OLA1: variants seen among roughly 807,000 people sequenced by gnomAD.
The protein encoded by OLA1 is obg-like ATPase 1.
Under a neutral mutation model 48.4 loss-of-function variants are expected in OLA1, and 14 were observed. The observed-to-expected ratio is 0.29, with a 90% confidence interval of 0.19 to 0.45. The LOEUF (loss-of-function observed/expected upper bound fraction) is 0.45, where lower values mean the gene tolerates loss of function less well. Among genes scored for constraint, OLA1 ranks in the 20% least tolerant of loss-of-function variants. The probability of loss-of-function intolerance (pLI) is 1.00; values close to 1 mark genes in which losing one functional copy is unlikely to be tolerated. For missense variants in OLA1, 325 were observed against 467.1 expected (o/e 0.70, Z 2.80); for synonymous variants, 127 against 150.4 (o/e 0.84, Z 1.14).
intron 4 of OLA1, among the ~76,000 whole-genome samples, chr2:174,207,875 C>T (rs1327898188): frequency 6.6e-6 from 1 of 152,162 alleles, no homozygotes; most frequent in Admixed American, 6.5e-5. Flanking sequence ...CAGGTTTGAA[C>T]TGCACAGATT....
At chr2:174,183,882 G>C (rs1687600693) in intron 4 of OLA1, among the ~76,000 whole-genome samples, 1 of 152,202 alleles carries the variant, frequency 6.6e-6, no homozygotes, top group Non-Finnish European at 1.5e-5. Flanking sequence ...TCTAGAGACA[G>C]GAATTTAGCT....
intron 4 of OLA1, among the ~76,000 whole-genome samples, chr2:174,159,353 TTAAAA>T (rs1686959121): frequency 6.6e-6 from 1 of 152,198 alleles, no homozygotes. Context: ...ACTACTTTCT[TTAAAA>T]TAAGGATATT....
chr2:174,219,259 T>C (rs1323404014), intron 4 of OLA1, among the ~76,000 whole-genome samples: 4 of 148,716 alleles, frequency 2.7e-5, no homozygotes, highest in Non-Finnish European at 5.9e-5. Flanking sequence ...CCGGATAACA[T>C]AGCAAGACCC....
At chr2:174,089,817 G>A (rs546922643) in intron 7 of OLA1, among the ~76,000 whole-genome samples, 17 of 150,620 alleles carry the variant, frequency 1.1e-4, no homozygotes, top group African/African-American at 3.4e-4. Flanking sequence ...TGGGAGGATC[G>A]CTTCAGCCCA....
At position 174,182,101 on chromosome 2, in the gene OLA1, A is replaced by T. The variant is rs566623583; in HGVS notation, c.374-40101T>A. ...AAAGAGTTAAATATCTGAAGAACTA[A>T]AAATCTGAAATGACCTAAATATCCA... On this transcript the variant is annotated intron_variant, in intron 4 of 10. Transcript: ENST00000284719. Among the ~76,000 whole-genome samples the T allele has an allele frequency of 5.3e-4, 80 of 152,354 alleles. 3 individuals carry two copies. In the South Asian group the frequency reaches 0.016, roughly 30 times the overall value.
At chr2:174,196,819 A>G (rs1250652049) in intron 4 of OLA1, among the ~76,000 whole-genome samples, 2 of 152,240 alleles carry the variant, frequency 1.3e-5, no homozygotes, top group Non-Finnish European at 2.9e-5. Flanking sequence ...AATATCTGCT[A>G]TAATCTTTGA....
intron 3 of OLA1, among the ~76,000 whole-genome samples, chr2:174,225,272 C>T (rs995828202): frequency 6.6e-6 from 1 of 152,158 alleles, no homozygotes; most frequent in South Asian, 2.1e-4. Flanking sequence ...CTGCCTCGTC[C>T]GGGTGCAGTG....
At chr2:174,128,357 C>T (rs1235369410) in intron 5 of OLA1, among the ~76,000 whole-genome samples, 3 of 151,778 alleles carry the variant, frequency 2.0e-5, no homozygotes, top group East Asian at 1.9e-4. Flanking sequence ...ACTACGATCA[C>T]GCCATGCACT....
At chr2:174,170,617 G>A (rs915762531) in intron 4 of OLA1, among the ~76,000 whole-genome samples, 4 of 152,146 alleles carry the variant, frequency 2.6e-5, no homozygotes, top group Non-Finnish European at 5.9e-5. Context: ...TAAAGACATG[G>A]CAAGCCCAGT....
chr2:174,217,811 T>A (rs1688401385), intron 4 of OLA1: 1 of 152,200 alleles, frequency 6.6e-6, no homozygotes, highest in Non-Finnish European at 1.5e-5. Context: ...CCACTCAGCA[T>A]AATTATTTTG....
intron 4 of OLA1, among the ~76,000 whole-genome samples, chr2:174,147,635 T>G (rs1232949938): frequency 6.6e-6 from 1 of 152,214 alleles, no homozygotes; most frequent in Non-Finnish European, 1.5e-5. Context: ...GCACATACAC[T>G]ACATGATCAC....
intron 6 of OLA1, 90 bp downstream of exon 6, chr2:174,123,505 A>C: frequency 1.3e-6 from 1 of 782,280 alleles, no homozygotes; most frequent in Non-Finnish European, 2.0e-6. Flanking sequence ...TTTAGATATA[A>C]TGGTAAGTGT....
At chr2:174,135,387 A>C (rs138813990) in intron 5 of OLA1, among the ~76,000 whole-genome samples, 20 of 152,308 alleles carry the variant, frequency 1.3e-4, no homozygotes, top group African/African-American at 3.6e-4. Flanking sequence ...TAATCAAGGG[A>C]ATAACATGAT....
intron 4 of OLA1, among the ~76,000 whole-genome samples, chr2:174,207,978 A>C (rs1397901078): frequency 6.6e-6 from 1 of 152,182 alleles, no homozygotes; most frequent in African/African-American, 2.4e-5. Context: ...TGATCTCCCT[A>C]CATATAGCGA....
chr2:174,238,494 C>CAA (rs34395720), intron 2 of OLA1, among the ~76,000 whole-genome samples: 1 of 106,662 alleles, frequency 9.4e-6, no homozygotes, highest in Admixed American at 9.9e-5. Flanking sequence ...ACTCTATGTC[C>CAA]AAAAAAAAAA....
At position 174,226,225 on chromosome 2, in the gene OLA1, A is replaced by G. The variant is rs1260028287; in HGVS notation, c.246-3065T>C. 1.1e-4 allele frequency among the ~76,000 whole-genome samples: 16 copies of G among 151,518 alleles called. 5 individuals carry two copies. Among genetic ancestry groups the G allele is most frequent in the Non-Finnish European group, 2.4e-4 (16 of 67,878 alleles). On this transcript the variant is annotated intron_variant, in intron 3 of 10. Transcript: ENST00000284719. ...AAAAAAAAAAAAAAAAAAGAAAATG[A>G]GCTTCTCAATTCTGATTTGTGATTT... is the stretch of plus-strand genomic sequence containing the variant.
chr2:174,215,071 A>G (rs888690656), intron 4 of OLA1, among the ~76,000 whole-genome samples: 2 of 152,110 alleles, frequency 1.3e-5, no homozygotes, highest in Non-Finnish European at 2.9e-5. Flanking sequence ...AGAATTTTTA[A>G]AAAGCAAACT....
intron 7 of OLA1, among the ~76,000 whole-genome samples, chr2:174,086,358 T>A (rs765088626): frequency 6.6e-6 from 1 of 152,154 alleles, no homozygotes; most frequent in Non-Finnish European, 1.5e-5. Context: ...TGACTCTTAT[T>A]CCTATATGGA....
chr2:174,218,138 T>G (rs915777439), intron 4 of OLA1, among the ~76,000 whole-genome samples: 2 of 152,110 alleles, frequency 1.3e-5, no homozygotes, highest in Non-Finnish European at 2.9e-5. Flanking sequence ...GCCTTCTGAG[T>G]AGCTAGGATT....
Sources: gnomAD v4.1 joint callset for allele counts (sites outside exome capture counted in the v4.1 genomes callset) on GRCh38, gnomAD v4.1.1 for gene constraint, MANE v1.5 for transcripts, NCBI Gene and HGNC (gene_info 2026-07-23, HGNC 2026-07-21) for gene names.